The following CNTN6 variants were observed in gnomAD, a reference collection of about 807,000 sequenced individuals.
CNTN6 encodes contactin-6.
CNTN6 carries 137 observed loss-of-function variants against 122.8 expected under a neutral mutation model. That is an observed-to-expected ratio of 1.12 (90% CI 0.97 to 1.29). The LOEUF is 1.29. Ranked by LOEUF, CNTN6 falls within the 50% of genes most tolerant of loss-of-function variation. The probability of loss-of-function intolerance (pLI) is 0.00; values close to 1 mark genes in which losing one functional copy is unlikely to be tolerated. For synonymous variants in CNTN6, 570 were observed against 426.0 expected (o/e 1.34, Z -4.16); for missense variants, 1,634 against 1,223.4 (o/e 1.34, Z -5.01).
intron 20 of CNTN6, among the ~76,000 whole-genome samples, chr3:1,398,149 A>T (rs536464512): frequency 2.6e-5 from 4 of 152,136 alleles, no homozygotes; most frequent in African/African-American, 9.6e-5. Context: ...TGTGCTATCC[A>T]TGTGGCAGTG....
intron 2 of CNTN6, among the ~76,000 whole-genome samples, chr3:1,179,357 A>G (rs2093513036): frequency 6.6e-6 from 1 of 152,018 alleles, no homozygotes; most frequent in African/African-American, 2.4e-5. Context: ...CTACCCACAC[A>G]CTTTTGTAAC....
At chr3:1,348,975 TTAACATC>T (rs1705201763) in intron 11 of CNTN6, among the ~76,000 whole-genome samples, 1 of 152,022 alleles carries the variant, frequency 6.6e-6, no homozygotes, top group Non-Finnish European at 1.5e-5. Context: ...AAGAGCACCT[TTAACATC>T]TAACACTTTT....
At position 1,130,419 on chromosome 3, in the gene CNTN6, G is replaced by A. The variant is rs1298790917; in HGVS notation, c.-82-17508G>A. Among the ~76,000 whole-genome samples the A allele has an allele frequency of 2.6e-5, 4 of 152,086 alleles. No homozygotes were observed. The East Asian group carries it at 7.7e-4, about 29-fold the overall frequency. On this transcript the variant is annotated intron_variant, in intron 1 of 22. Coordinates refer to ENST00000446702, the MANE Select transcript of CNTN6 (RefSeq NM_001289080.2). ...TTCCTCCAAGCAAGAAAAAGCAGAA[G>A]TGCCTGAGAGTTAATGCTCCCCAGA...
chr3:1,298,234 T>C (rs1696616691), intron 7 of CNTN6: 1 of 417,644 alleles, frequency 2.4e-6, no homozygotes, highest in African/African-American at 2.0e-5. Flanking sequence ...ATTTCCTTAG[T>C]TTAAGCATAA....
At position 1,379,159 on chromosome 3, in the gene CNTN6, C is replaced by G. The variant is rs113569802; in HGVS notation, c.2166+2084C>G. Among the ~76,000 whole-genome samples, 132 of 149,132 alleles carry G rather than the reference C, an allele frequency of 8.9e-4. 1 individual carries two copies. The highest frequency in any genetic ancestry group is 3.2e-3 in the African/African-American group (125 of 39,622). On this transcript the variant is annotated intron_variant, in intron 17 of 22. Transcript: ENST00000446702. Reference sequence around the variant, plus strand: ...AGGGCCCAAATGCTATGCATTCATTCTTAAATAGAGATGAGCATGAATTAC... The same window carrying G: ...AGGGCCCAAATGCTATGCATTCATTGTTAAATAGAGATGAGCATGAATTAC...
At position 1,269,780 on chromosome 3, in the gene CNTN6, A is replaced by T. The variant is rs189067809; in HGVS notation, c.359-8633A>T. Among the ~76,000 whole-genome samples the T allele has an allele frequency of 7.0e-4, 106 of 152,098 alleles. 1 individual carries two copies. In the East Asian group the frequency reaches 0.019, roughly 27 times the overall value. ...CATGCATTATGTGCTCCTTACTATT[A>T]TCCTATCTATTTTTTCATAAAAAAA... On this transcript the variant is annotated intron_variant, in intron 4 of 22. Coordinates refer to ENST00000446702, the MANE Select transcript of CNTN6 (RefSeq NM_001289080.2).
intron 4 of CNTN6, among the ~76,000 whole-genome samples, chr3:1,275,456 C>T (rs1692163623): frequency 6.6e-6 from 1 of 152,026 alleles, no homozygotes; most frequent in Admixed American, 6.6e-5. Flanking sequence ...TTACACACAC[C>T]CTCTCTCTCA....
In CNTN6 at chr3:1,153,987, A is replaced by G. The variant is rs111301856; in HGVS notation, c.55+5924A>G. On this transcript the variant is annotated intron_variant, in intron 2 of 22. Coordinates refer to ENST00000446702, the MANE Select transcript of CNTN6 (RefSeq NM_001289080.2). ...TATTGTTAGCATAATAGCACCTTTA[A>G]GAATGGAACACCAGGCTGTATTTTT... Among the ~76,000 whole-genome samples the G allele has an allele frequency of 4.8e-3, 736 of 152,362 alleles. 5 individuals are homozygous for G. The highest frequency in any genetic ancestry group is 0.024 in the Middle Eastern group (7 of 294).
At chr3:1,117,809 T>G (rs773909756) in intron 1 of CNTN6, among the ~76,000 whole-genome samples, 1 of 152,170 alleles carries the variant, frequency 6.6e-6, no homozygotes, top group Admixed American at 6.5e-5. Context: ...AGTAGGTTGA[T>G]AAATATACCA....
chr3:1,158,969 C>CACACACACACACATATATAT (rs1553610778), intron 2 of CNTN6, among the ~76,000 whole-genome samples: 8 of 112,972 alleles, frequency 7.1e-5, no homozygotes, highest in African/African-American at 3.0e-4. Flanking sequence ...CACACACACA[C>CACACACACACACATATATAT]ATATATATAT....
chr3:1,102,666 T>C lies in CNTN6; in HGVS notation c.-83+9546T>C, dbSNP rs1255407758. On this transcript the variant is annotated intron_variant, in intron 1 of 22. Transcript: ENST00000446702. ...TGGCGGGAACCCGGGGGGCGGAGCTTGCAGTGAGCAGAGATGGCGCCACCG... is the reference window on the plus strand; with the variant it reads ...TGGCGGGAACCCGGGGGGCGGAGCTCGCAGTGAGCAGAGATGGCGCCACCG... 6.0e-5 allele frequency among the ~76,000 whole-genome samples: 9 copies of C among 149,114 alleles called. 1 individual carries two copies. Among genetic ancestry groups the C allele is most frequent in the Admixed American group, 4.7e-4 (7 of 14,966 alleles).
chr3:1,223,253 G>GCT lies in CNTN6; in HGVS notation c.182+2443_182+2444dup, dbSNP rs546646639. 2.1e-3 allele frequency among the ~76,000 whole-genome samples: 313 copies of GCT among 152,256 alleles called. 2 individuals carry two copies. The highest frequency in any genetic ancestry group is 4.7e-3 in the African/African-American group (195 of 41,546). ...CTTAAAGTTATCATTTCTAGTCACA[G>GCT]CTCTATCAATCCATTGGTGACTTTG... is the stretch of plus-strand genomic sequence containing the variant. On this transcript the variant is annotated intron_variant, in intron 3 of 22. Transcript: ENST00000446702.
At chr3:1,172,374 G>C (rs2093371962) in intron 2 of CNTN6, among the ~76,000 whole-genome samples, 1 of 152,096 alleles carries the variant, frequency 6.6e-6, no homozygotes, top group African/African-American at 2.4e-5. Context: ...CAAGAAAGAA[G>C]GGAATTAACA....
chr3:1,135,598 A>C (rs1183776859), intron 1 of CNTN6, among the ~76,000 whole-genome samples: 3 of 152,040 alleles, frequency 2.0e-5, no homozygotes, highest in Non-Finnish European at 2.9e-5. Flanking sequence ...ATACACACAC[A>C]CATACATAAA....
In CNTN6 at chr3:1,100,578, T is replaced by C. The variant is rs185735330; in HGVS notation, c.-83+7458T>C. Among the ~76,000 whole-genome samples, 90 of 152,280 alleles carry C rather than the reference T, an allele frequency of 5.9e-4. 2 individuals carry two copies. The highest frequency in any genetic ancestry group is 2.9e-3 in the East Asian group (15 of 5,182). ...AATTCTCAGCTATTATATATTTCAA[T>C]CTTGCGTCTTTTAAATCCCTTTATT... On this transcript the variant is annotated intron_variant, in intron 1 of 22. Transcript: ENST00000446702.
chr3:1,117,958 C>G (rs776819373), intron 1 of CNTN6, among the ~76,000 whole-genome samples: 1 of 152,124 alleles, frequency 6.6e-6, no homozygotes, highest in Non-Finnish European at 1.5e-5. Flanking sequence ...TCTCCCTTCC[C>G]TGTCTCACTT....
intron 3 of CNTN6, among the ~76,000 whole-genome samples, chr3:1,221,958 G>A (rs2094213110): frequency 6.6e-6 from 1 of 152,118 alleles, no homozygotes; most frequent in East Asian, 1.9e-4. Flanking sequence ...CTCTTGATGT[G>A]CATAGTTATT....
At chr3:1,377,342 G>A (rs3772278) in intron 17 of CNTN6, among the ~76,000 whole-genome samples, 12,261 of 152,108 alleles carry the variant, frequency 0.081, 539 homozygotes, top group African/African-American at 0.099. Context: ...TAGCATTTTC[G>A]TTATCGCTTG....
At chr3:1,161,842 T>C (rs1264223939) in intron 2 of CNTN6, among the ~76,000 whole-genome samples, 2 of 152,012 alleles carry the variant, frequency 1.3e-5, no homozygotes, top group East Asian at 3.8e-4. Flanking sequence ...TGTGTAGATA[T>C]ATATTTTCTA....
Sources: gnomAD v4.1 joint callset for allele counts (sites outside exome capture counted in the v4.1 genomes callset) on GRCh38, gnomAD v4.1.1 for gene constraint, MANE v1.5 for transcripts, NCBI Gene and HGNC (gene_info 2026-07-23, HGNC 2026-07-21) for gene names.